Variants in OLA1 observed in about 807,000 individuals in gnomAD.
OLA1 encodes obg-like ATPase 1.
In OLA1, 14 loss-of-function variants were observed where a neutral mutation model predicts 48.4. The observed-to-expected ratio is 0.29, with a 90% CI of 0.19 to 0.45. The LOEUF (loss-of-function observed/expected upper bound fraction) is 0.45, where lower values mean the gene tolerates loss of function less well. Ranked by LOEUF, OLA1 falls within the 20% of genes least tolerant of loss-of-function variation. The pLI, the probability that OLA1 is intolerant of heterozygous loss-of-function variation, is 1.00. For synonymous variants in OLA1, 127 were observed against 150.4 expected (o/e 0.84, Z 1.14); for missense variants, 325 against 467.1 (o/e 0.70, Z 2.80).
chr2:174,123,095 T>C (rs368374673), intron 7 of OLA1, 85 bp downstream of exon 7: 4 of 633,882 alleles, frequency 6.3e-6, no homozygotes, highest in East Asian at 6.5e-5. Context: ...AATTAAACAT[T>C]GCCGTTAAGT....
intron 5 of OLA1, among the ~76,000 whole-genome samples, chr2:174,129,460 TA>T (rs1047914666): frequency 4.8e-5 from 3 of 63,034 alleles, no homozygotes; most frequent in African/African-American, 1.1e-4. Context: ...TCCGTCTCAA[TA>T]AATAAATAAA....
At chr2:174,232,108 A>G (rs1393740610) in intron 2 of OLA1, among the ~76,000 whole-genome samples, 1 of 148,726 alleles carries the variant, frequency 6.7e-6, no homozygotes, top group Non-Finnish European at 1.5e-5. Context: ...GCATTAAAAG[A>G]AAAAAAACAC....
chr2:174,117,884 A>C (rs1272267880), intron 7 of OLA1, among the ~76,000 whole-genome samples: 2 of 152,122 alleles, frequency 1.3e-5, no homozygotes, highest in Non-Finnish European at 2.9e-5. Context: ...TACCCTCTTC[A>C]CCAACTACTA....
intron 4 of OLA1, among the ~76,000 whole-genome samples, chr2:174,215,928 G>T (rs899865830): frequency 1.3e-5 from 2 of 152,098 alleles, no homozygotes; most frequent in African/African-American, 2.4e-5. Flanking sequence ...AGTAAATCGT[G>T]TATTGCTGTA....
chr2:174,185,407 T>G (rs1356035192), intron 4 of OLA1, among the ~76,000 whole-genome samples: 1 of 152,138 alleles, frequency 6.6e-6, no homozygotes, highest in Non-Finnish European at 1.5e-5. Flanking sequence ...TGACAACTAG[T>G]AATCACCACT....
At chr2:174,176,774 T>C (rs1687430727) in intron 4 of OLA1, among the ~76,000 whole-genome samples, 2 of 152,272 alleles carry the variant, frequency 1.3e-5, no homozygotes, top group Middle Eastern at 3.4e-3. Flanking sequence ...AAGTAAACAA[T>C]GCATGTTTCT....
At chr2:174,080,898 G>A (rs1056195811) in intron 9 of OLA1, 2 of 380,496 alleles carry the variant, frequency 5.3e-6, no homozygotes, top group Non-Finnish European at 9.6e-6. Context: ...GACCACAGGA[G>A]GAGGGTAGAC....
chr2:174,119,956 A>ACAC (rs1558962842), intron 7 of OLA1, among the ~76,000 whole-genome samples: 10 of 149,436 alleles, frequency 6.7e-5, no homozygotes, highest in African/African-American at 2.5e-4. Context: ...CACACACACA[A>ACAC]ACACACACAC....
At chr2:174,119,785 C>T (rs1685870938) in intron 7 of OLA1, among the ~76,000 whole-genome samples, 1 of 151,962 alleles carries the variant, frequency 6.6e-6, no homozygotes, top group Non-Finnish European at 1.5e-5. Context: ...TGACACATTG[C>T]CCTTCATTAT....
chr2:174,183,444 G>C (rs965536929), intron 4 of OLA1, among the ~76,000 whole-genome samples: 1 of 152,200 alleles, frequency 6.6e-6, no homozygotes, highest in African/African-American at 2.4e-5. Flanking sequence ...ATCCAGGTTG[G>C]AGAAGAGAGA....
intron 2 of OLA1, among the ~76,000 whole-genome samples, chr2:174,241,914 G>A (rs1276974769): frequency 6.6e-6 from 1 of 152,230 alleles, no homozygotes; most frequent in Admixed American, 6.5e-5. Flanking sequence ...GGGATTACAG[G>A]CGTGAGCCTC....
chr2:174,236,255 A>G (rs1307379889), intron 2 of OLA1, among the ~76,000 whole-genome samples: 1 of 152,124 alleles, frequency 6.6e-6, no homozygotes. Flanking sequence ...AAAGGACCTT[A>G]AAATAAATGT....
intron 5 of OLA1, among the ~76,000 whole-genome samples, chr2:174,130,225 A>G (rs946065620): frequency 3.9e-5 from 6 of 152,306 alleles, no homozygotes; most frequent in Admixed American, 3.9e-4. Flanking sequence ...AAATGCTGCT[A>G]TTTATGGAGG....
intron 3 of OLA1, among the ~76,000 whole-genome samples, chr2:174,224,723 G>A (rs1203577598): frequency 1.3e-5 from 2 of 152,142 alleles, no homozygotes; most frequent in African/African-American, 2.4e-5. Context: ...AAGCAATCCC[G>A]TTTCACTCTG....
In OLA1 at chr2:174,174,927, T is replaced by C. The variant is rs985201931; in HGVS notation, c.374-32927A>G. On this transcript the variant is annotated intron_variant, in intron 4 of 10. Coordinates refer to ENST00000284719, the MANE Select transcript of OLA1 (RefSeq NM_013341.5). ...GGTATTGCCAAAACAAATAGATCAA[T>C]GGAACAGAATAGAGTGTGTAAACTG... Among the ~76,000 whole-genome samples, 5 of 152,138 alleles carry C rather than the reference T, an allele frequency of 3.3e-5. No individual in the cohort carries two copies. The South Asian group carries it at 8.3e-4, about 25-fold the overall frequency.
intron 4 of OLA1, among the ~76,000 whole-genome samples, chr2:174,195,777 T>C (rs1687866678): frequency 1.3e-5 from 2 of 152,198 alleles, no homozygotes; most frequent in Non-Finnish European, 2.9e-5. Flanking sequence ...TTACCTGTTA[T>C]TAAAATTAAA....
intron 4 of OLA1, among the ~76,000 whole-genome samples, chr2:174,196,030 C>T (rs1687872301): frequency 6.6e-6 from 1 of 152,018 alleles, no homozygotes; most frequent in African/African-American, 2.4e-5. Flanking sequence ...GAAAAAAACT[C>T]AATTACTTAG....
intron 4 of OLA1, among the ~76,000 whole-genome samples, chr2:174,163,677 C>T (rs1341120414): frequency 2.5e-5 from 3 of 120,976 alleles, no homozygotes; most frequent in Admixed American, 1.9e-4. Flanking sequence ...GGGAGAAGAA[C>T]GAGACCTTGT....
chr2:174,245,145 C>A (rs1350405587), intron 2 of OLA1, among the ~76,000 whole-genome samples: 1 of 152,204 alleles, frequency 6.6e-6, no homozygotes, highest in African/African-American at 2.4e-5. Context: ...TGCAATAAAG[C>A]TCACAACATA....
Sources: allele counts gnomAD v4.1 joint callset (sites outside exome capture counted in the v4.1 genomes callset), GRCh38; gene constraint gnomAD v4.1.1; transcripts MANE v1.5; gene names NCBI Gene and HGNC (gene_info 2026-07-23, HGNC 2026-07-21).